The following GPNMB variants were observed in gnomAD, a reference collection of about 807,000 sequenced individuals.
The protein encoded by GPNMB is glycoprotein nmb.
Under a neutral mutation model 57.3 loss-of-function variants are expected in GPNMB, and 71 were observed. That is an observed-to-expected ratio of 1.24 (90% CI 1.02 to 1.51). GPNMB has a LOEUF of 1.51. Among genes scored for constraint, GPNMB ranks in the 40% most tolerant of loss-of-function variants. GPNMB has a pLI of 0.00. For missense variants in GPNMB, 677 were observed against 691.9 expected (o/e 0.98, Z 0.24); for synonymous variants, 253 against 263.2 (o/e 0.96, Z 0.38).
chr7:23,269,674 G>A (rs906749436), intron 8 of GPNMB, among the ~76,000 whole-genome samples: 2 of 152,186 alleles, frequency 1.3e-5, no homozygotes, highest in Admixed American at 6.5e-5. Context: ...GAGGGAGTGA[G>A]CTGGGCTTCA....
Position 23,260,033 on chromosome 7 carries a change from G to C in GPNMB, c.595G>C (p.Ala199Pro), listed in dbSNP as rs770157642. Residue 199 changes from alanine (A) to proline (P), a missense_variant, in exon 5 of 11, where the codon GCC becomes CCC. Ala to Pro is a conservative substitution (Grantham distance 27). Coordinates refer to ENST00000258733, the MANE Select transcript of GPNMB (RefSeq NM_002510.3). ...RCSVRVSVNT[A>P]NVTLGPQLME... ...TTCAGTGAGAGTTTCTGTGAACACAGCCAATGTGACACTTGGGCCTCAACT... is the reference window on the plus strand; with the variant it reads ...TTCAGTGAGAGTTTCTGTGAACACACCCAATGTGACACTTGGGCCTCAACT... 1.2e-6 allele frequency: 2 copies of C among 1,614,108 alleles called. No individual in the cohort carries two copies. Among genetic ancestry groups the C allele is most frequent in the South Asian group, 1.1e-5 (1 of 91,084 alleles).
intron 4 of GPNMB, chr7:23,257,980 C>T (rs1782822050): frequency 6.6e-6 from 1 of 152,030 alleles, no homozygotes; most frequent in Non-Finnish European, 1.5e-5. Context: ...AATTTTTATA[C>T]ATTGTTTTAA....
chr7:23,253,200 A>C (rs933921102), intron 1 of GPNMB, 107 bp from the exon 2 acceptor site: 2 of 916,616 alleles, frequency 2.2e-6, no homozygotes, highest in African/African-American at 3.3e-5. Context: ...TGATGCACTG[A>C]ATATATTATG....
intron 6 of GPNMB, 166 bp from the exon 7 acceptor site, chr7:23,266,351 T>A: frequency 1.6e-6 from 1 of 639,644 alleles, no homozygotes; most frequent in Non-Finnish European, 2.7e-6. Flanking sequence ...CACATCTGTG[T>A]AAATTATGAC....
intron 9 of GPNMB, among the ~76,000 whole-genome samples, chr7:23,270,618 A>G (rs1583838894): frequency 6.6e-6 from 1 of 152,204 alleles, no homozygotes; most frequent in East Asian, 1.9e-4. Context: ...GAAATGAGAC[A>G]CAAGCTGTTC....
At chr7:23,272,263 C>CT (rs1322750884) in intron 9 of GPNMB, among the ~76,000 whole-genome samples, 4 of 152,336 alleles carry the variant, frequency 2.6e-5, no homozygotes, top group Admixed American at 6.5e-5. Context: ...TAGACATTTG[C>CT]TTTCCTTTAA....
intron 1 of GPNMB, chr7:23,247,828 A>G (rs369175440): frequency 4.6e-5 from 7 of 152,352 alleles, no homozygotes; most frequent in African/African-American, 1.7e-4. Flanking sequence ...AGGAAGTCCC[A>G]TCACAGGGAG....
intron 6 of GPNMB, 99 bp from the exon 7 acceptor site, chr7:23,266,418 T>C (rs1271919978): frequency 7.7e-7 from 1 of 1,291,880 alleles, no homozygotes; most frequent in Non-Finnish European, 1.1e-6. Flanking sequence ...GATATTTTTC[T>C]AAAAAGCAAA....
chr7:23,257,178 C>A, intron 4 of GPNMB, 113 bp downstream of exon 4: 1 of 963,948 alleles, frequency 1.0e-6, no homozygotes, highest in Non-Finnish European at 1.7e-6. Context: ...TAACAGTCAC[C>A]CTGCTAACTT....
chr7:23,258,197 C>T (rs1279902286), intron 4 of GPNMB: 1 of 152,192 alleles, frequency 6.6e-6, no homozygotes, highest in Non-Finnish European at 1.5e-5. Flanking sequence ...CCACCTGGCA[C>T]TGAGTATTTG....
chr7:23,263,653 C>T (rs1337538027), intron 6 of GPNMB, among the ~76,000 whole-genome samples: 2 of 148,512 alleles, frequency 1.3e-5, no homozygotes, highest in Non-Finnish European at 3.0e-5. Context: ...GCAACCCCTA[C>T]AAGTTAGTTA....
chr7:23,267,805 A>G (rs1783104425), intron 7 of GPNMB, 81 bp from the exon 8 acceptor site: 3 of 969,810 alleles, frequency 3.1e-6, no homozygotes, highest in East Asian at 2.4e-5. Flanking sequence ...CAAACATTCA[A>G]TCTATACCAG....
At chr7:23,265,714 A>G (rs1783041222) in intron 6 of GPNMB, among the ~76,000 whole-genome samples, 1 of 151,898 alleles carries the variant, frequency 6.6e-6, no homozygotes, top group Non-Finnish European at 1.5e-5. Context: ...TATATACTTT[A>G]TCTCATTTAA....
intron 1 of GPNMB, among the ~76,000 whole-genome samples, chr7:23,251,178 C>T (rs961875340): frequency 6.6e-6 from 1 of 152,202 alleles, no homozygotes; most frequent in African/African-American, 2.4e-5. Context: ...TGCTCTTTCC[C>T]ATTCTCTCTG....
rs758998486 is a variant in GPNMB, at chr7:23,270,150, C to T, written c.1404C>T (p.Ser468=). 5.6e-6 allele frequency: 9 copies of T among 1,613,904 alleles called. No homozygotes were observed. The highest frequency in any genetic ancestry group is 6.8e-6 in the Non-Finnish European group (8 of 1,179,884). ...LGDDTSLALT[S]TLISVPDRDP... ...ATGACACAAGCCTGGCTCTCACGAG[C>T]ACCCTGATTTCTGTTCCTGACAGAG... The change falls in exon 9 of 11, where the codon AGC becomes AGT. Residue 468 remains serine, a synonymous_variant. Transcript: ENST00000258733.
chr7:23,265,081 G>A lies in GPNMB; in HGVS notation c.1019-1436G>A, dbSNP rs115092580. 5.5e-3 allele frequency among the ~76,000 whole-genome samples: 833 copies of A among 152,272 alleles called. 8 individuals are homozygous for A. The highest frequency in any genetic ancestry group is 0.018 in the African/African-American group (761 of 41,548). On this transcript the variant is annotated intron_variant, in intron 6 of 10. Coordinates refer to ENST00000258733, the MANE Select transcript of GPNMB (RefSeq NM_002510.3). ...TTCCTGCTGGTAAACCACTGCATTCGATCTAACACAGTGTCTGGGCCTTTC... is the reference window on the plus strand; with the variant it reads ...TTCCTGCTGGTAAACCACTGCATTCAATCTAACACAGTGTCTGGGCCTTTC...
chr7:23,256,482 A>T (rs1226136115), intron 3 of GPNMB, among the ~76,000 whole-genome samples: 2 of 152,158 alleles, frequency 1.3e-5, no homozygotes, highest in Admixed American at 1.3e-4. Flanking sequence ...TTATTCTTAG[A>T]CATGTGTGCC....
At chr7:23,270,709 A>G (rs930461288) in intron 9 of GPNMB, among the ~76,000 whole-genome samples, 1 of 152,188 alleles carries the variant, frequency 6.6e-6, no homozygotes, top group Non-Finnish European at 1.5e-5. Flanking sequence ...ACAGTAAGAA[A>G]CCAACTTATT....
chr7:23,259,688 T>A (rs1782866024), intron 4 of GPNMB, among the ~76,000 whole-genome samples: 1 of 152,228 alleles, frequency 6.6e-6, no homozygotes, highest in Non-Finnish European at 1.5e-5. Context: ...GCCAAATTAC[T>A]TAGCACAAAC....
Sources: gnomAD v4.1 joint callset for allele counts (sites outside exome capture counted in the v4.1 genomes callset) on GRCh38, gnomAD v4.1.1 for gene constraint, MANE v1.5 for transcripts, NCBI Gene and HGNC (gene_info 2026-07-23, HGNC 2026-07-21) for gene names.